Variants in LMX1A observed in about 807,000 individuals in gnomAD.
LMX1A encodes LIM homeobox transcription factor 1-alpha.
LMX1A carries 15 observed loss-of-function variants against 49.1 expected under a neutral mutation model. That is an observed-to-expected ratio of 0.31 (90% CI 0.20 to 0.47). LMX1A has a LOEUF of 0.47. Among genes scored for constraint, LMX1A ranks in the 20% least tolerant of loss-of-function variants. The pLI, the probability that LMX1A is intolerant of heterozygous loss-of-function variation, is 1.00. For synonymous variants in LMX1A, 167 were observed against 185.7 expected (o/e 0.90, Z 0.82); for missense variants, 372 against 475.8 (o/e 0.78, Z 2.03).
chr1:165,236,058 A>G (rs1652426277), intron 4 of LMX1A, among the ~76,000 whole-genome samples: 1 of 152,116 alleles, frequency 6.6e-6, no homozygotes, highest in Non-Finnish European at 1.5e-5. Context: ...ACTGGCACCG[A>G]CGCCGCCCCC....
chr1:165,293,509 G>A (rs1376389183), intron 3 of LMX1A, among the ~76,000 whole-genome samples: 3 of 152,162 alleles, frequency 2.0e-5, no homozygotes, highest in Admixed American at 6.5e-5. Flanking sequence ...CTCGGCATTC[G>A]AACTAAAACT....
chr1:165,231,834 A>C (rs774932212), intron 4 of LMX1A, among the ~76,000 whole-genome samples: 15 of 152,206 alleles, frequency 9.9e-5, no homozygotes, highest in Non-Finnish European at 1.9e-4. Flanking sequence ...TCTAACACTT[A>C]AAACACTCAC....
chr1:165,249,699 G>T (rs879023458), intron 3 of LMX1A, 59 bp from the exon 4 acceptor site: 2 of 1,351,442 alleles, frequency 1.5e-6, no homozygotes, highest in African/African-American at 1.4e-5. Flanking sequence ...TTGGTCCTGG[G>T]TCTCCCCTGA....
At chr1:165,235,775 T>C (rs1652410305) in intron 4 of LMX1A, among the ~76,000 whole-genome samples, 1 of 152,210 alleles carries the variant, frequency 6.6e-6, no homozygotes, top group Non-Finnish European at 1.5e-5. Context: ...GCGGCTTGTT[T>C]ACTCAGGATT....
At chr1:165,243,705 A>G (rs1266937725) in intron 4 of LMX1A, among the ~76,000 whole-genome samples, 1 of 152,222 alleles carries the variant, frequency 6.6e-6, no homozygotes, top group Non-Finnish European at 1.5e-5. Context: ...TACGGCCAAG[A>G]CCATGGTTTG....
chr1:165,337,525 G>A (rs1052491524), intron 3 of LMX1A, among the ~76,000 whole-genome samples: 8 of 152,262 alleles, frequency 5.3e-5, no homozygotes, highest in African/African-American at 1.2e-4. Flanking sequence ...TAATAAGGCC[G>A]TCATGAGGTG....
intron 4 of LMX1A, among the ~76,000 whole-genome samples, chr1:165,228,022 AT>A (rs1571161579): frequency 1.3e-5 from 2 of 152,358 alleles, no homozygotes; most frequent in East Asian, 3.9e-4. Flanking sequence ...ACAGTAGTGA[AT>A]TAAACAGACA....
intron 4 of LMX1A, among the ~76,000 whole-genome samples, chr1:165,235,251 C>G (rs1652385903): frequency 6.6e-6 from 1 of 152,136 alleles, no homozygotes; most frequent in Non-Finnish European, 1.5e-5. Flanking sequence ...CAAAGGAAAT[C>G]AGGGTTCAGG....
At chr1:165,217,770 T>C (rs375269626) in intron 4 of LMX1A, among the ~76,000 whole-genome samples, 36 of 152,330 alleles carry the variant, frequency 2.4e-4, no homozygotes, top group South Asian at 2.1e-3. Flanking sequence ...TGCTCAGGGT[T>C]AATGGTAGCA....
At chr1:165,294,680 C>T (rs60754259) in intron 3 of LMX1A, among the ~76,000 whole-genome samples, 7,190 of 152,250 alleles carry the variant, frequency 0.047, 265 homozygotes, top group East Asian at 0.11. Flanking sequence ...AAATTACATG[C>T]GGGCTGGGCA....
intron 3 of LMX1A, among the ~76,000 whole-genome samples, chr1:165,320,223 T>C (rs1221554560): frequency 6.6e-6 from 1 of 152,202 alleles, no homozygotes; most frequent in Non-Finnish European, 1.5e-5. Flanking sequence ...GCAGTACTAC[T>C]GATAAATATC....
chr1:165,237,342 C>G (rs10800077), intron 4 of LMX1A, among the ~76,000 whole-genome samples: 152,118 of 152,360 alleles, frequency 1, 75,938 homozygotes, highest in Middle Eastern at 1. Flanking sequence ...TCCTGCTTCA[C>G]TCTCCCAAGT....
chr1:165,336,153 T>C (rs78734150), intron 3 of LMX1A, among the ~76,000 whole-genome samples: 2,702 of 152,054 alleles, frequency 0.018, 85 homozygotes, highest in African/African-American at 0.062. Context: ...ATTCCCCAGA[T>C]GTTAACGGAG....
At chr1:165,225,668 A>C (rs187031460) in intron 4 of LMX1A, among the ~76,000 whole-genome samples, 1 of 152,192 alleles carries the variant, frequency 6.6e-6, no homozygotes, top group Non-Finnish European at 1.5e-5. Context: ...CATGTCCCCA[A>C]ATCACCTGGT....
chr1:165,326,148 T>A (rs1255321021), intron 3 of LMX1A, among the ~76,000 whole-genome samples: 1 of 152,002 alleles, frequency 6.6e-6, no homozygotes, highest in Non-Finnish European at 1.5e-5. Context: ...CCAATAGGCA[T>A]GAGAAGGCTG....
At chr1:165,326,328 T>C (rs572500874) in intron 3 of LMX1A, among the ~76,000 whole-genome samples, 2 of 152,348 alleles carry the variant, frequency 1.3e-5, no homozygotes, top group Admixed American at 6.5e-5. Context: ...AGGCAAGGCA[T>C]GATTCTCCCA....
intron 4 of LMX1A, among the ~76,000 whole-genome samples, chr1:165,241,133 G>C (rs904230683): frequency 2.0e-4 from 30 of 152,262 alleles, no homozygotes; most frequent in African/African-American, 7.0e-4. Context: ...GAGTGCCTCT[G>C]AGACACACAG....
intron 3 of LMX1A, among the ~76,000 whole-genome samples, chr1:165,302,352 G>A (rs999870375): frequency 6.6e-6 from 1 of 152,078 alleles, no homozygotes; most frequent in Non-Finnish European, 1.5e-5. Context: ...GCTGAGGCAG[G>A]AGAGTTGCTT....
chr1:165,233,208 A>G (rs1477705982), intron 4 of LMX1A, among the ~76,000 whole-genome samples: 1 of 152,174 alleles, frequency 6.6e-6, no homozygotes, highest in Non-Finnish European at 1.5e-5. Context: ...TAATCCAATC[A>G]CTATGGAAGG....
Sources: allele counts gnomAD v4.1 joint callset (sites outside exome capture counted in the v4.1 genomes callset), GRCh38; gene constraint gnomAD v4.1.1; transcripts MANE v1.5; gene names NCBI Gene and HGNC (gene_info 2026-07-23, HGNC 2026-07-21).